The following NME7 variants were observed in gnomAD, a reference collection of about 807,000 sequenced individuals.
The protein encoded by NME7 is nucleoside diphosphate kinase 7.
Under a neutral mutation model 49.1 loss-of-function variants are expected in NME7, and 41 were observed. That is an observed-to-expected ratio of 0.83 (90% confidence interval 0.65 to 1.08). The LOEUF (loss-of-function observed/expected upper bound fraction) is 1.08, where lower values mean the gene tolerates loss of function less well. NME7 is among the 50% of genes least tolerant of loss of function. NME7 has a pLI of 0.00. For missense variants in NME7, 423 were observed against 463.4 expected (o/e 0.91, Z 0.80); for synonymous variants, 139 against 150.6 (o/e 0.92, Z 0.56).
chr1:169,353,456 A>C (rs1653254115), intron 1 of NME7, among the ~76,000 whole-genome samples: 1 of 152,114 alleles, frequency 6.6e-6, no homozygotes, highest in Admixed American at 6.6e-5. Context: ...CTACAAGAAA[A>C]CATTGAGGAA....
In NME7 at chr1:169,220,528, C is replaced by T. The variant is rs1243492647; in HGVS notation, c.990+10190G>A. On this transcript the variant is annotated intron_variant, in intron 10 of 11. Coordinates refer to ENST00000367811, the MANE Select transcript of NME7 (RefSeq NM_013330.5). ...TGAGATGAGGGTTTTCTTTCTTTTT[C>T]TCGGTTAGACAAATGTTTCTTCATT... Among the ~76,000 whole-genome samples, 4 of 152,124 alleles carry T rather than the reference C, an allele frequency of 2.6e-5. No individual in the cohort carries two copies. The East Asian group carries it at 5.8e-4, about 22-fold the overall frequency.
intron 10 of NME7, among the ~76,000 whole-genome samples, chr1:169,214,854 G>C (rs1660931868): frequency 6.6e-6 from 1 of 152,248 alleles, no homozygotes; most frequent in Non-Finnish European, 1.5e-5. Flanking sequence ...CAAGACCCCA[G>C]AGGGTGTGTT....
intron 1 of NME7, among the ~76,000 whole-genome samples, chr1:169,338,741 T>C (rs1398228017): frequency 2.6e-5 from 4 of 152,214 alleles, no homozygotes; most frequent in Non-Finnish European, 4.4e-5. Context: ...CCAGCCAATG[T>C]ATATTTCTGT....
intron 3 of NME7, among the ~76,000 whole-genome samples, chr1:169,321,864 T>C (rs1213514956): frequency 6.6e-6 from 1 of 152,218 alleles, no homozygotes; most frequent in East Asian, 1.9e-4. Flanking sequence ...AAATCATTTT[T>C]GGAGCCTTTT....
chr1:169,293,544 T>C (rs1650596347), intron 6 of NME7, among the ~76,000 whole-genome samples: 1 of 152,158 alleles, frequency 6.6e-6, no homozygotes, highest in Non-Finnish European at 1.5e-5. Flanking sequence ...TACACTGATA[T>C]ACTTACCTAC....
intron 7 of NME7, among the ~76,000 whole-genome samples, chr1:169,256,933 A>T (rs1259791455): frequency 2.3e-5 from 3 of 128,744 alleles, no homozygotes; most frequent in Non-Finnish European, 5.5e-5. Context: ...TCAGATCTCC[A>T]GCTGCATGCT....
intron 11 of NME7, among the ~76,000 whole-genome samples, chr1:169,151,530 G>A (rs1280532190): frequency 6.6e-6 from 1 of 152,092 alleles, no homozygotes; most frequent in Admixed American, 6.5e-5. Flanking sequence ...GCTCAGAGCT[G>A]GACTTGGTTG....
intron 3 of NME7, among the ~76,000 whole-genome samples, chr1:169,317,982 A>G (rs1455172274): frequency 6.6e-6 from 1 of 152,190 alleles, no homozygotes; most frequent in East Asian, 1.9e-4. Flanking sequence ...AGTAAGGGAT[A>G]GCGTATTGTT....
intron 6 of NME7, among the ~76,000 whole-genome samples, chr1:169,291,561 G>A (rs1367337073): frequency 2.6e-5 from 4 of 151,962 alleles, no homozygotes; most frequent in Admixed American, 2.6e-4. Context: ...AGATGATGGG[G>A]TGATGGGTGC....
intron 11 of NME7, among the ~76,000 whole-genome samples, chr1:169,142,707 G>A (rs1403271864): frequency 1.3e-5 from 2 of 152,058 alleles, no homozygotes; most frequent in South Asian, 4.1e-4. Context: ...CCAAGGTGTC[G>A]GATTAGAATT....
intron 6 of NME7, 27 bp from the exon 7 acceptor site, chr1:169,287,435 CA>C: frequency 6.9e-7 from 1 of 1,450,106 alleles, no homozygotes; most frequent in Non-Finnish European, 9.4e-7. Flanking sequence ...ATGATTTTGA[CA>C]AATGTGATCT....
chr1:169,223,976 G>T (rs796655888), intron 10 of NME7, among the ~76,000 whole-genome samples: 1 of 152,122 alleles, frequency 6.6e-6, no homozygotes, highest in Non-Finnish European at 1.5e-5. Flanking sequence ...TCCTCTGAGA[G>T]AAATCTGGCT....
At chr1:169,240,798 A>G (rs1648057621) in intron 7 of NME7, among the ~76,000 whole-genome samples, 2 of 152,202 alleles carry the variant, frequency 1.3e-5, no homozygotes, top group South Asian at 2.1e-4. Context: ...CTGTTATACA[A>G]TGTATTGGGA....
At chr1:169,277,991 C>A (rs1031545241) in intron 7 of NME7, among the ~76,000 whole-genome samples, 3 of 150,976 alleles carry the variant, frequency 2.0e-5, no homozygotes, top group African/African-American at 7.3e-5. Context: ...AAATTCTTTT[C>A]TTTAAGAATG....
At chr1:169,241,531 T>C (rs1648085230) in intron 7 of NME7, among the ~76,000 whole-genome samples, 1 of 151,940 alleles carries the variant, frequency 6.6e-6, no homozygotes, top group Admixed American at 6.6e-5. Flanking sequence ...TATGCTTCAA[T>C]CAATATGAAA....
At position 169,169,571 on chromosome 1, in the gene NME7, C is replaced by A; in HGVS notation, c.991-17G>T. On this transcript the variant is annotated splice_polypyrimidine_tract_variant and intron_variant, in intron 10 of 11. Transcript: ENST00000367811. The stretch of plus-strand genomic sequence containing the variant: ...GGCAATTTCCTATTAAACATACATT[C>A]ACATATAGATTAATGTTAGTCATAT... 6.3e-7 allele frequency: 1 copy of A among 1,596,578 alleles called. No homozygotes were observed. Among genetic ancestry groups the A allele is most frequent in the South Asian group, 1.1e-5 (1 of 90,566 alleles).
chr1:169,258,400 A>ATATATATT (rs1310963470), intron 7 of NME7, among the ~76,000 whole-genome samples: 1 of 71,468 alleles, frequency 1.4e-5, no homozygotes, highest in Non-Finnish European at 2.6e-5. Context: ...ATATATATAT[A>ATATATATT]TATATACACA....
intron 10 of NME7, among the ~76,000 whole-genome samples, chr1:169,225,470 A>T (rs907021700): frequency 6.6e-6 from 1 of 152,200 alleles, no homozygotes; most frequent in African/African-American, 2.4e-5. Flanking sequence ...CACAAAATGC[A>T]GCAAGAAATG....
At chr1:169,305,810 C>T (rs1651151507) in intron 4 of NME7, among the ~76,000 whole-genome samples, 1 of 152,150 alleles carries the variant, frequency 6.6e-6, no homozygotes, top group Admixed American at 6.6e-5. Flanking sequence ...AATGCTCATG[C>T]TGCTTGCTCT....
Sources: gnomAD v4.1 joint callset for allele counts (sites outside exome capture counted in the v4.1 genomes callset) on GRCh38, gnomAD v4.1.1 for gene constraint, MANE v1.5 for transcripts, NCBI Gene and HGNC (gene_info 2026-07-23, HGNC 2026-07-21) for gene names.